KHDRBS2: variants seen among roughly 807,000 people sequenced by gnomAD.
KHDRBS2 encodes KH RNA binding domain containing, signal transduction associated 2.
In KHDRBS2, 26 loss-of-function variants were observed where a neutral mutation model predicts 44.3. The ratio of observed to expected loss-of-function variants is 0.59; its 90% CI spans 0.43 to 0.81. KHDRBS2 has a LOEUF of 0.81. Among genes scored for constraint, KHDRBS2 ranks in the 40% least tolerant of loss-of-function variants. KHDRBS2 has a pLI of 0.00. For synonymous variants in KHDRBS2, 194 were observed against 151.1 expected, an observed-to-expected ratio of 1.28 and a Z score of -2.08; for missense variants, 476 against 433.1, an observed-to-expected ratio of 1.10 and a Z score of -0.88.
the KHDRBS2 span, among the ~76,000 whole-genome samples, chr6:61,666,995 T>TTG: frequency 6.6e-6 from 1 of 150,398 alleles, no homozygotes; most frequent in Non-Finnish European, 1.5e-5. Context: ...TTCTGGGTTT[T>TTG]TTTTTTTTTT....
chr6:61,594,298 T>A, the KHDRBS2 span, among the ~76,000 whole-genome samples: 224 of 152,224 alleles, frequency 1.5e-3, 4 homozygotes, highest in African/African-American at 5.2e-3. Flanking sequence ...TCCCACATAT[T>A]TAATTCTTAC....
At chr6:62,025,481 A>G (rs1209683970) in intron 3 of KHDRBS2, among the ~76,000 whole-genome samples, 5 of 151,876 alleles carry the variant, frequency 3.3e-5, no homozygotes, top group Admixed American at 2.6e-4. Context: ...ACATATGTAC[A>G]TTTTAAAAAA....
intron 8 of KHDRBS2, among the ~76,000 whole-genome samples, chr6:61,685,426 G>C (rs1766711350): frequency 6.6e-6 from 1 of 151,734 alleles, no homozygotes; most frequent in Non-Finnish European, 1.5e-5. Context: ...ATAAAAAAGG[G>C]GTTTCAAACC....
intron 3 of KHDRBS2, among the ~76,000 whole-genome samples, chr6:62,033,968 A>G (rs969964749): frequency 1.3e-5 from 2 of 151,864 alleles, no homozygotes; most frequent in South Asian, 4.1e-4. Flanking sequence ...ATAAAATCAG[A>G]GATGAAAAAG....
chr6:61,677,114 A>G (rs1336356), downstream of KHDRBS2, among the ~76,000 whole-genome samples: 52,422 of 151,714 alleles, frequency 0.35, 9,701 homozygotes, highest in East Asian at 0.48. Context: ...GAGTTAATGC[A>G]TATAAAGATC....
At chr6:61,955,113 T>C (rs111209844) in intron 4 of KHDRBS2, among the ~76,000 whole-genome samples, 47,506 of 140,540 alleles carry the variant, frequency 0.34, 8,542 homozygotes, top group Middle Eastern at 0.49. Flanking sequence ...TATACACATA[T>C]GTGTATATAT....
chr6:62,255,084 A>T (rs1479965946), intron 1 of KHDRBS2, among the ~76,000 whole-genome samples: 6 of 152,064 alleles, frequency 3.9e-5, no homozygotes, highest in African/African-American at 1.4e-4. Flanking sequence ...AAATGTAATC[A>T]CTGTAGACAG....
chr6:61,580,759 C>T, the KHDRBS2 span, among the ~76,000 whole-genome samples: 3 of 152,072 alleles, frequency 2.0e-5, no homozygotes, highest in South Asian at 2.1e-4. Flanking sequence ...CTGAAGTCAG[C>T]GAGACCAGGG....
chr6:62,177,278 C>T lies in KHDRBS2; in HGVS notation c.126G>A (p.Lys42=). The change falls in exon 2 of 9, where the codon AAG becomes AAA. Residue 42 remains lysine, a synonymous_variant. Coordinates refer to ENST00000281156, the MANE Select transcript of KHDRBS2 (RefSeq NM_152688.4). Reference sequence around the variant, plus strand: ...CAAGATACTTCTTTTCTTCGTCTTCCTTTTTTCCATCAGAACCTTGAAACT... The same window carrying T: ...CAAGATACTTCTTTTCTTCGTCTTCTTTTTTTCCATCAGAACCTTGAAACT... ...IEKFQGSDGK[K]EDEEKKYLDV... is the part of the protein sequence containing the mutation. The T allele has an allele frequency of 6.2e-7, 1 of 1,600,340 alleles. No individual in the cohort carries two copies. The highest frequency in any genetic ancestry group is 8.5e-7 in the Non-Finnish European group (1 of 1,170,888).
At chr6:61,561,716 C>T in the KHDRBS2 span, among the ~76,000 whole-genome samples, 1 of 152,142 alleles carries the variant, frequency 6.6e-6, no homozygotes, top group Non-Finnish European at 1.5e-5. Flanking sequence ...GTGAATGCTG[C>T]CAGACTTGGT....
chr6:61,690,367 C>T (rs575836539), intron 8 of KHDRBS2, among the ~76,000 whole-genome samples: 2 of 151,828 alleles, frequency 1.3e-5, no homozygotes, highest in African/African-American at 2.4e-5. Flanking sequence ...CCCAAGAGTT[C>T]GACAATAAGT....
At chr6:61,974,802 G>A (rs1323794981) in intron 4 of KHDRBS2, among the ~76,000 whole-genome samples, 1 of 151,810 alleles carries the variant, frequency 6.6e-6, no homozygotes, top group African/African-American at 2.4e-5. Context: ...ATGGTAACAT[G>A]TGCCTGTAAT....
chr6:61,593,782 G>A, the KHDRBS2 span, among the ~76,000 whole-genome samples: 1 of 151,980 alleles, frequency 6.6e-6, no homozygotes, highest in African/African-American at 2.4e-5. Context: ...TCTTCTTAAG[G>A]TCCTCAAAAT....
the KHDRBS2 span, chr6:61,574,549 TG>T: frequency 3.8e-6 from 2 of 533,130 alleles, no homozygotes; most frequent in Non-Finnish European, 6.6e-6. Flanking sequence ...GAGCAACATA[TG>T]CTGAGACTTC....
chr6:61,649,387 A>C, the KHDRBS2 span, among the ~76,000 whole-genome samples: 2 of 152,156 alleles, frequency 1.3e-5, no homozygotes, highest in Non-Finnish European at 2.9e-5. Context: ...GCATGTGTAA[A>C]CATTTGATTT....
At chr6:61,840,618 C>A (rs1364133822) in intron 6 of KHDRBS2, among the ~76,000 whole-genome samples, 1 of 152,090 alleles carries the variant, frequency 6.6e-6, no homozygotes, top group Admixed American at 6.6e-5. Context: ...TTGGTATCTA[C>A]TGAGAGAGAG....
chr6:61,831,796 A>G (rs1791862988), intron 6 of KHDRBS2, among the ~76,000 whole-genome samples: 2 of 152,226 alleles, frequency 1.3e-5, no homozygotes. Context: ...ATATGCCAAT[A>G]TAGAATAACT....
chr6:61,979,974 G>A (rs1192427), intron 3 of KHDRBS2, among the ~76,000 whole-genome samples: 39,602 of 151,930 alleles, frequency 0.26, 5,930 homozygotes, highest in Non-Finnish European at 0.32. Flanking sequence ...CTAGGGAACT[G>A]AAATAATTTT....
the KHDRBS2 span, among the ~76,000 whole-genome samples, chr6:61,597,699 CT>C: frequency 8.1e-6 from 1 of 123,712 alleles, no homozygotes; most frequent in Non-Finnish European, 1.7e-5. Flanking sequence ...AGATCTTAAG[CT>C]TTCCAAAAGG....
Sources: gnomAD v4.1 joint callset for allele counts (sites outside exome capture counted in the v4.1 genomes callset) on GRCh38, gnomAD v4.1.1 for gene constraint, MANE v1.5 for transcripts, NCBI Gene and HGNC (gene_info 2026-07-23, HGNC 2026-07-21) for gene names.